The following ZNF407 variants were observed in gnomAD, a reference collection of about 807,000 sequenced individuals.
The protein encoded by ZNF407 is zinc finger protein 407.
ZNF407 carries 17 observed loss-of-function variants against 131.2 expected under a neutral mutation model. The observed-to-expected ratio is 0.13, with a 90% CI of 0.09 to 0.19. ZNF407 has a LOEUF of 0.19. ZNF407 is among the 10% of genes least tolerant of loss of function. ZNF407 has a pLI of 1.00. For synonymous variants in ZNF407, 1,156 were observed against 1,062.0 expected, an observed-to-expected ratio of 1.09 and a Z score of -1.72; for missense variants, 2,681 against 2,830.6, an observed-to-expected ratio of 0.95 and a Z score of 1.20.
chr18:74,657,762 T>G (rs1003878795), intron 3 of ZNF407, among the ~76,000 whole-genome samples: 5 of 152,166 alleles, frequency 3.3e-5, no homozygotes, highest in Non-Finnish European at 2.9e-5. Flanking sequence ...CATCAAATAC[T>G]GTCGTCCACC....
intron 3 of ZNF407, among the ~76,000 whole-genome samples, chr18:74,676,250 C>G (rs1986354646): frequency 6.6e-6 from 1 of 151,820 alleles, no homozygotes; most frequent in Non-Finnish European, 1.5e-5. Context: ...TGCTGCCACG[C>G]CCGGCTAATT....
chr18:74,700,354 T>C (rs1967462575), intron 3 of ZNF407, among the ~76,000 whole-genome samples: 1 of 152,246 alleles, frequency 6.6e-6, no homozygotes, highest in Admixed American at 6.5e-5. Context: ...ATTTGGCATT[T>C]TCTTTAGGTC....
At position 74,809,798 on chromosome 18, in the gene ZNF407, G is replaced by A. The variant is rs190641033; in HGVS notation, c.4877+28296G>A. On this transcript the variant is annotated intron_variant, in intron 4 of 8. Transcript: ENST00000299687. ...GTATGGAGGTCTAAGCTGGAAGGTCGTAGCATGGAGAAGGAGTGAAAGGAA... is the reference window on the plus strand; with the variant it reads ...GTATGGAGGTCTAAGCTGGAAGGTCATAGCATGGAGAAGGAGTGAAAGGAA... Among the ~76,000 whole-genome samples the A allele has an allele frequency of 2.8e-3, 419 of 152,294 alleles. 4 individuals are homozygous for A. The highest frequency in any genetic ancestry group is 9.1e-3 in the African/African-American group (378 of 41,552).
At chr18:74,798,891 A>T (rs2145065391) in intron 4 of ZNF407, among the ~76,000 whole-genome samples, 1 of 152,180 alleles carries the variant, frequency 6.6e-6, no homozygotes, top group South Asian at 2.1e-4. Flanking sequence ...TTATGTTTAG[A>T]TTTATAATAG....
Position 74,632,028 on chromosome 18 carries a change from C to CA in ZNF407, c.1012dup (p.Ser338LysfsTer3). The CA allele has an allele frequency of 6.2e-7, 1 of 1,613,806 alleles. No individual in the cohort carries two copies. Among genetic ancestry groups the CA allele is most frequent in the Non-Finnish European group, 8.5e-7 (1 of 1,179,846 alleles). On this transcript the variant is annotated frameshift_variant, in exon 2 of 9. Transcript: ENST00000299687. LOFTEE classifies it high-confidence loss of function. The stretch of plus-strand genomic sequence containing the variant: ...AGATTTCAGAGGAAGTATTTCTAAA[C>CA]AAAGTGGTAGTAGCAGTGAGCTTCT...
At chr18:74,764,685 G>A (rs1969188706) in intron 3 of ZNF407, among the ~76,000 whole-genome samples, 1 of 152,212 alleles carries the variant, frequency 6.6e-6, no homozygotes, top group African/African-American at 2.4e-5. Flanking sequence ...CTTGAACAAT[G>A]TGGAAGTGAG....
At chr18:74,744,579 G>T (rs1280765595) in intron 3 of ZNF407, among the ~76,000 whole-genome samples, 1 of 152,012 alleles carries the variant, frequency 6.6e-6, no homozygotes, top group Non-Finnish European at 1.5e-5. Flanking sequence ...TTTTAGTAGG[G>T]GAGAAAACAA....
chr18:74,838,744 A>G (rs1440053353), intron 4 of ZNF407, among the ~76,000 whole-genome samples: 1 of 152,092 alleles, frequency 6.6e-6, no homozygotes, highest in African/African-American at 2.4e-5. Context: ...GGAATTCCTT[A>G]CTCAGTGAAC....
chr18:74,782,810 G>A (rs1367733031), intron 4 of ZNF407, among the ~76,000 whole-genome samples: 3 of 152,004 alleles, frequency 2.0e-5, no homozygotes, highest in Non-Finnish European at 2.9e-5. Context: ...TAGTAGAGAC[G>A]GGGTTTCACT....
At chr18:74,659,831 G>A (rs1198246349) in intron 3 of ZNF407, among the ~76,000 whole-genome samples, 1 of 152,116 alleles carries the variant, frequency 6.6e-6, no homozygotes, top group Non-Finnish European at 1.5e-5. Flanking sequence ...GCCTTTTTAA[G>A]GTTAAGGATT....
chr18:74,662,630 C>T (rs1363057518), intron 3 of ZNF407, among the ~76,000 whole-genome samples: 2 of 152,098 alleles, frequency 1.3e-5, no homozygotes, highest in East Asian at 3.9e-4. Flanking sequence ...GTAATAGGAA[C>T]AAAATTATCC....
intron 3 of ZNF407, among the ~76,000 whole-genome samples, chr18:74,765,184 AT>A (rs1462820221): frequency 2.6e-4 from 39 of 152,264 alleles, no homozygotes; most frequent in African/African-American, 7.5e-4. Context: ...GGGTGTACTT[AT>A]CTTTTGATTA....
chr18:74,958,195 G>A (rs1419643515), intron 8 of ZNF407, among the ~76,000 whole-genome samples: 3 of 152,190 alleles, frequency 2.0e-5, no homozygotes, highest in Non-Finnish European at 4.4e-5. Flanking sequence ...TGAGGCTGAT[G>A]TAAGTGCCTG....
rs564740580 is a variant in ZNF407 at position 74,798,040 on chromosome 18, G to A, written c.4877+16538G>A. The stretch of plus-strand genomic sequence containing the variant: ...ACTAATGCTGGGGAAAGGCGCAAAC[G>A]CATTTAAATTTTTTTAACCTTTAAG... On this transcript the variant is annotated intron_variant, in intron 4 of 8. Transcript: ENST00000299687. Among the ~76,000 whole-genome samples, 5 of 152,004 alleles carry A rather than the reference G, an allele frequency of 3.3e-5. No individual in the cohort carries two copies. In the South Asian group the frequency reaches 6.2e-4, roughly 19 times the overall value.
intron 8 of ZNF407, among the ~76,000 whole-genome samples, chr18:74,984,634 G>T (rs1353788502): frequency 1.3e-5 from 2 of 152,166 alleles, no homozygotes; most frequent in African/African-American, 4.8e-5. Context: ...GTGCCATAGT[G>T]CCCAAAACCT....
intron 4 of ZNF407, among the ~76,000 whole-genome samples, chr18:74,874,578 C>T (rs1971130390): frequency 6.6e-6 from 1 of 152,112 alleles, no homozygotes; most frequent in Non-Finnish European, 1.5e-5. Context: ...GCCTCTAGCT[C>T]CGGGACTGTG....
At chr18:74,680,234 G>GA (rs1006231170) in intron 3 of ZNF407, among the ~76,000 whole-genome samples, 4 of 151,440 alleles carry the variant, frequency 2.6e-5, no homozygotes, top group African/African-American at 7.3e-5. Context: ...CTACAAAAAA[G>GA]AAAAAACCAA....
chr18:75,007,287 C>T (rs1972922057), intron 8 of ZNF407, among the ~76,000 whole-genome samples: 1 of 151,392 alleles, frequency 6.6e-6, no homozygotes, highest in Non-Finnish European at 1.5e-5. Flanking sequence ...AGGTTTTTTA[C>T]CTCATTCCAT....
At chr18:75,040,685 GC>G (rs1275875677) in intron 8 of ZNF407, among the ~76,000 whole-genome samples, 1 of 152,156 alleles carries the variant, frequency 6.6e-6, no homozygotes, top group Non-Finnish European at 1.5e-5. Flanking sequence ...ACACAAAGTT[GC>G]CCACTGCGTA....
Sources: gnomAD v4.1 joint callset for allele counts (sites outside exome capture counted in the v4.1 genomes callset) on GRCh38, gnomAD v4.1.1 for gene constraint, MANE v1.5 for transcripts, NCBI Gene and HGNC (gene_info 2026-07-23, HGNC 2026-07-21) for gene names.